Variants in PCDH15 observed in about 807,000 individuals in gnomAD.
The protein encoded by PCDH15 is protocadherin-15.
A neutral mutation model predicts 178.5 loss-of-function variants in PCDH15; 129 were observed. That is an observed-to-expected ratio of 0.72 (90% CI 0.63 to 0.84). PCDH15 has a LOEUF of 0.84. PCDH15 is among the 40% of genes least tolerant of loss of function. The pLI is 0.00. For synonymous variants in PCDH15, 800 were observed against 732.0 expected (o/e 1.09, Z -1.50); for missense variants, 2,230 against 2,099.9 (o/e 1.06, Z -1.21).
At chr10:54,520,476 C>A (rs577783010) in intron 3 of PCDH15, among the ~76,000 whole-genome samples, 1 of 152,268 alleles carries the variant, frequency 6.6e-6, no homozygotes, top group African/African-American at 2.4e-5. Context: ...CTCATCATCA[C>A]TGGCCATCAG....
At chr10:54,369,366 C>T in intron 4 of PCDH15, 91 bp from the exon 5 acceptor site, 1 of 1,145,548 alleles carries the variant, frequency 8.7e-7, no homozygotes, top group Non-Finnish European at 1.3e-6. Context: ...GTACATTTTT[C>T]TATTCTTGTT....
chr10:55,409,347 T>C (rs1441219413), intron 2 of PCDH15, among the ~76,000 whole-genome samples: 2 of 152,166 alleles, frequency 1.3e-5, no homozygotes, highest in African/African-American at 4.8e-5. Flanking sequence ...CCTGGCATCA[T>C]CTTTGACTCC....
rs551007730 is a variant in PCDH15 at position 54,756,692 on chromosome 10, T to TTCTG, written c.-29+44229_-29+44232dup. ...TGAGCGTGTGTATGTGTATGTGTCT[T>TTCTG]TCTGTCTGTCTGTCTGTATGTATGT... is the stretch of plus-strand genomic sequence containing the variant. On this transcript the variant is annotated intron_variant, in intron 1 of 37. Transcript: ENST00000644397. Among the ~76,000 whole-genome samples the TTCTG allele has an allele frequency of 5.1e-3, 734 of 142,682 alleles. 21 individuals carry two copies. Among genetic ancestry groups the TTCTG allele is most frequent in the Non-Finnish European group, 1.1e-3 (70 of 65,722 alleles). The allele number at this position is 142,682 out of a possible 152,430, so 93.6% of individuals were successfully genotyped here. A position where few individuals can be genotyped will look rare whatever the true frequency, so the allele number is the denominator to read the frequency against.
intron 16 of PCDH15, among the ~76,000 whole-genome samples, chr10:54,089,672 C>A (rs932745486): frequency 1.3e-5 from 2 of 152,030 alleles, no homozygotes; most frequent in Non-Finnish European, 2.9e-5. Context: ...GCTAAGTAAC[C>A]CTTTGTAGTA....
upstream of PCDH15, among the ~76,000 whole-genome samples, chr10:54,805,978 G>A (rs747192075): frequency 1.6e-4 from 25 of 152,046 alleles, no homozygotes; most frequent in South Asian, 2.1e-4. Context: ...GTGAGATTAG[G>A]TATTATAAAG....
intron 13 of PCDH15, among the ~76,000 whole-genome samples, chr10:54,158,496 A>T (rs1298145817): frequency 1.3e-5 from 2 of 152,206 alleles, no homozygotes; most frequent in African/African-American, 4.8e-5. Flanking sequence ...GGACATAGCC[A>T]AACCATATCA....
At chr10:54,070,907 G>T (rs548354402) in intron 17 of PCDH15, among the ~76,000 whole-genome samples, 70 of 151,914 alleles carry the variant, frequency 4.6e-4, no homozygotes, top group African/African-American at 1.4e-3. Context: ...TTTGTTTTTT[G>T]TTGTTGTTGT....
chr10:54,434,251 AAT>A (rs2075229794), intron 3 of PCDH15, among the ~76,000 whole-genome samples: 1 of 151,944 alleles, frequency 6.6e-6, no homozygotes, highest in African/African-American at 2.4e-5. Flanking sequence ...CTGAAGAAAA[AAT>A]TAATAAATTT....
intron 2 of PCDH15, 28 bp from the exon 3 acceptor site, chr10:54,527,905 T>C (rs2083512663): frequency 6.4e-7 from 1 of 1,565,464 alleles, no homozygotes; most frequent in Non-Finnish European, 8.8e-7. Flanking sequence ...CCAAAAGTAA[T>C]AATTGACTGC....
chr10:54,998,215 A>G (rs1161048603), intron 2 of PCDH15, among the ~76,000 whole-genome samples: 1 of 152,150 alleles, frequency 6.6e-6, no homozygotes, highest in East Asian at 1.9e-4. Context: ...TTACTTTTAA[A>G]AAATATATAG....
At chr10:54,490,741 C>T (rs953258508) in intron 3 of PCDH15, among the ~76,000 whole-genome samples, 19 of 152,182 alleles carry the variant, frequency 1.2e-4, no homozygotes, top group African/African-American at 4.1e-4. Context: ...AGTCAAAATA[C>T]TGATCATATT....
chr10:54,057,205 T>A (rs2093911670), intron 18 of PCDH15, among the ~76,000 whole-genome samples: 1 of 152,164 alleles, frequency 6.6e-6, no homozygotes, highest in Admixed American at 6.5e-5. Flanking sequence ...ACAGTGACCC[T>A]CTTTTCACAG....
At chr10:54,676,014 G>A (rs1326946509) in intron 1 of PCDH15, among the ~76,000 whole-genome samples, 2 of 152,030 alleles carry the variant, frequency 1.3e-5, no homozygotes, top group South Asian at 4.1e-4. Flanking sequence ...TGCAAGGATC[G>A]ATAATTGATA....
At chr10:55,087,883 T>C (rs767653589) in intron 2 of PCDH15, among the ~76,000 whole-genome samples, 7 of 152,080 alleles carry the variant, frequency 4.6e-5, no homozygotes, top group Admixed American at 6.6e-5. Flanking sequence ...TCTAATAAAA[T>C]ACATGAGTGA....
chr10:53,810,958 A>T (rs995166677), intron 36 of PCDH15, among the ~76,000 whole-genome samples: 5 of 152,234 alleles, frequency 3.3e-5, no homozygotes, highest in African/African-American at 1.2e-4. Flanking sequence ...TGTCTTAACT[A>T]GCTGAAGAAT....
At chr10:54,778,634 C>G (rs1024873750) in intron 1 of PCDH15, among the ~76,000 whole-genome samples, 7 of 152,074 alleles carry the variant, frequency 4.6e-5, no homozygotes, top group Admixed American at 4.6e-4. Flanking sequence ...ACACTGCATT[C>G]TCCTTAAAAT....
intron 3 of PCDH15, among the ~76,000 whole-genome samples, chr10:54,883,801 G>A (rs1204524587): frequency 6.6e-6 from 1 of 151,912 alleles, no homozygotes; most frequent in African/African-American, 2.4e-5. Context: ...TCAGCTATCA[G>A]TTAATAAAAT....
At chr10:54,168,252 C>T (rs2046473232) in intron 13 of PCDH15, among the ~76,000 whole-genome samples, 1 of 152,184 alleles carries the variant, frequency 6.6e-6, no homozygotes. Context: ...TCTGAGGTGC[C>T]TGACGTCCAG....
chr10:53,909,196 C>A (rs1334706377), intron 25 of PCDH15, among the ~76,000 whole-genome samples: 1 of 152,182 alleles, frequency 6.6e-6, no homozygotes, highest in Non-Finnish European at 1.5e-5. Flanking sequence ...CTTCCCCCTA[C>A]ACTCCCTCTT....
Sources: allele counts gnomAD v4.1 joint callset (sites outside exome capture counted in the v4.1 genomes callset), GRCh38; gene constraint gnomAD v4.1.1; transcripts MANE v1.5; gene names NCBI Gene and HGNC (gene_info 2026-07-23, HGNC 2026-07-21).